Variants in TCF4 observed in about 807,000 individuals in gnomAD.
TCF4 encodes the protein SL3-3 enhancer factor 2.
In TCF4, 3 loss-of-function variants were observed where a neutral mutation model predicts 82.1. That is an observed-to-expected ratio of 0.04 (90% CI 0.02 to 0.09). The LOEUF is 0.09. Among genes scored for constraint, TCF4 ranks in the 10% least tolerant of loss-of-function variants. The probability of loss-of-function intolerance (pLI) is 1.00; values close to 1 mark genes in which losing one functional copy is unlikely to be tolerated. For synonymous variants in TCF4, 276 were observed against 309.6 expected (o/e 0.89, Z 1.14); for missense variants, 518 against 852.7 (o/e 0.61, Z 4.89).
chr18:55,297,176 T>A, intron 8 of TCF4, among the ~76,000 whole-genome samples: 1 of 135,698 alleles, frequency 7.4e-6, no homozygotes, highest in Non-Finnish European at 1.6e-5. Context: ...TTTTTATCCC[T>A]TAGGATCAGG....
intron 5 of TCF4, among the ~76,000 whole-genome samples, chr18:55,404,906 T>G (rs1306098977): frequency 6.6e-6 from 1 of 152,236 alleles, no homozygotes; most frequent in African/African-American, 2.4e-5. Flanking sequence ...TTAATGAATC[T>G]TAAAGTTGGG....
At chr18:55,409,598 G>A (rs2094254867) in intron 5 of TCF4, among the ~76,000 whole-genome samples, 1 of 151,996 alleles carries the variant, frequency 6.6e-6, no homozygotes, top group Non-Finnish European at 1.5e-5. Flanking sequence ...AAGAGCTGAT[G>A]ACCTTTCAGA....
At chr18:55,244,717 G>A (rs1296227433) in intron 15 of TCF4, among the ~76,000 whole-genome samples, 1 of 152,160 alleles carries the variant, frequency 6.6e-6, no homozygotes, top group Non-Finnish European at 1.5e-5. Flanking sequence ...TTGCAAAACA[G>A]CTTTTTAAAC....
At position 55,447,636 on chromosome 18, in the gene TCF4, TA is replaced by T. The variant is rs899254636; in HGVS notation, c.304+13382del. Among the ~76,000 whole-genome samples the T allele has an allele frequency of 8.5e-5, 13 of 152,308 alleles. No homozygotes were observed. In the South Asian group the frequency reaches 1.0e-3, roughly 12 times the overall value. On this transcript the variant is annotated intron_variant, in intron 5 of 19. Coordinates refer to ENST00000354452, the MANE Select transcript of TCF4 (RefSeq NM_001083962.2). ...TAAATGGAATTTATATAAATGGCTT[TA>T]AAAAATACATATACTGAGGACCATA...
intron 6 of TCF4, among the ~76,000 whole-genome samples, chr18:55,388,116 T>A (rs1399652258): frequency 1.3e-5 from 2 of 152,222 alleles, no homozygotes; most frequent in Admixed American, 1.3e-4. Context: ...AAGTCCACTG[T>A]CATTCATTTT....
intron 8 of TCF4, among the ~76,000 whole-genome samples, chr18:55,314,450 T>C (rs1474173340): frequency 6.6e-6 from 1 of 152,110 alleles, no homozygotes; most frequent in African/African-American, 2.4e-5. Context: ...AGTAATACAT[T>C]TGATTATTTT....
intron 6 of TCF4, among the ~76,000 whole-genome samples, chr18:55,369,298 CCTTT>C (rs2088211372): frequency 6.6e-6 from 1 of 152,144 alleles, no homozygotes. Flanking sequence ...TCTACTGATT[CCTTT>C]AAGATTTACA....
At chr18:55,443,164 A>G (rs1175623810) in intron 5 of TCF4, among the ~76,000 whole-genome samples, 1 of 152,146 alleles carries the variant, frequency 6.6e-6, no homozygotes, top group Non-Finnish European at 1.5e-5. Context: ...TTGGTTTTAA[A>G]ACAGGTTGTT....
At chr18:55,432,211 C>G (rs1369900222) in intron 5 of TCF4, among the ~76,000 whole-genome samples, 2 of 152,050 alleles carry the variant, frequency 1.3e-5, no homozygotes. Context: ...GCTGAGGCAG[C>G]AGAATCACTT....
intron 17 of TCF4, 22 bp downstream of exon 17, chr18:55,232,487 C>T (rs745894003): frequency 1.7e-5 from 27 of 1,606,790 alleles, no homozygotes; most frequent in African/African-American, 1.3e-4. Flanking sequence ...TTAAATGAAG[C>T]GACAGTATTA....
intron 6 of TCF4, among the ~76,000 whole-genome samples, chr18:55,381,134 G>A (rs1045874828): frequency 6.6e-6 from 1 of 152,098 alleles, no homozygotes; most frequent in Non-Finnish European, 1.5e-5. Context: ...GTAAAGAATA[G>A]CACGAAATGT....
rs886053961 is a variant in TCF4, at chr18:55,588,156, C to CCCGCCG, written c.-145_-140dup. 414 of 1,093,012 alleles carry CCCGCCG rather than the reference C, an allele frequency of 3.8e-4. No homozygotes were observed. In the African/African-American group the frequency reaches 4.4e-3, roughly 12 times the overall value. 67.7% of individuals were successfully genotyped at this position (1,093,012 alleles called of 1,614,324 possible). A position where few individuals can be genotyped will look rare whatever the true frequency, so the allele number is the denominator to read the frequency against. On this transcript the variant is annotated 5_prime_UTR_variant, in exon 1 of 20. Transcript: ENST00000354452. ...CGCCCGCTCCCGCGCCTGCTGCCTC[C>CCCGCCG]CCGCCGCCGCCGCCGCCGCCGCCAC...
At chr18:55,335,907 T>C (rs2078534178) in intron 8 of TCF4, among the ~76,000 whole-genome samples, 1 of 152,072 alleles carries the variant, frequency 6.6e-6, no homozygotes, top group Non-Finnish European at 1.5e-5. Context: ...CACACCATCA[T>C]TTTTGATAGA....
chr18:55,524,915 A>T (rs1449339785), intron 3 of TCF4, among the ~76,000 whole-genome samples: 1 of 152,236 alleles, frequency 6.6e-6, no homozygotes, highest in Admixed American at 6.5e-5. Context: ...TAATACTCTG[A>T]GGCCCACAAC....
intron 1 of TCF4, 31 bp downstream of exon 1, chr18:55,588,007 C>T: frequency 1.0e-6 from 1 of 980,588 alleles, no homozygotes; most frequent in Non-Finnish European, 1.2e-6. Flanking sequence ...GCGCCTCCGC[C>T]CCGCCGAGCC....
intron 8 of TCF4, among the ~76,000 whole-genome samples, chr18:55,284,131 G>A (rs1313346299): frequency 6.6e-6 from 1 of 151,982 alleles, no homozygotes; most frequent in East Asian, 1.9e-4. Context: ...ATAAAATATC[G>A]GCCAGGAACG....
chr18:55,291,297 G>T (rs891406144), intron 8 of TCF4, among the ~76,000 whole-genome samples: 6 of 152,154 alleles, frequency 3.9e-5, no homozygotes, highest in Non-Finnish European at 8.8e-5. Context: ...ATTTGTTAAA[G>T]ATATCTAATA....
chr18:55,365,125 C>T (rs1463416676), intron 6 of TCF4, among the ~76,000 whole-genome samples: 1 of 136,832 alleles, frequency 7.3e-6, no homozygotes, highest in Non-Finnish European at 1.5e-5. Flanking sequence ...TGCACTTCAG[C>T]CTAGGCAACA....
chr18:55,554,071 A>T (rs1018757176), intron 3 of TCF4, among the ~76,000 whole-genome samples: 21 of 152,226 alleles, frequency 1.4e-4, no homozygotes, highest in African/African-American at 5.1e-4. Flanking sequence ...TAATTTTTTT[A>T]AAAAAGATTT....
Sources: allele counts gnomAD v4.1 joint callset (sites outside exome capture counted in the v4.1 genomes callset), GRCh38; gene constraint gnomAD v4.1.1; transcripts MANE v1.5; gene names NCBI Gene and HGNC (gene_info 2026-07-23, HGNC 2026-07-21).